Variants in AVL9 observed in about 807,000 individuals in gnomAD.
AVL9 encodes AVL9 cell migration associated, also known as late secretory pathway protein AVL9 homolog.
Under a neutral mutation model 79.2 loss-of-function variants are expected in AVL9, and 49 were observed. That is an observed-to-expected ratio of 0.62 (90% confidence interval 0.49 to 0.79). The LOEUF is 0.79. Among genes scored for constraint, AVL9 ranks in the 30% least tolerant of loss-of-function variants. The probability of loss-of-function intolerance (pLI) is 0.00; values close to 1 mark genes in which losing one functional copy is unlikely to be tolerated. For missense variants in AVL9, 682 were observed against 776.8 expected (o/e 0.88, Z 1.45); for synonymous variants, 299 against 280.6 (o/e 1.07, Z -0.65).
At chr7:32,509,481 C>T (rs1787559873) in intron 1 of AVL9, among the ~76,000 whole-genome samples, 1 of 152,168 alleles carries the variant, frequency 6.6e-6, no homozygotes, top group African/African-American at 2.4e-5. Flanking sequence ...CCTCACTCTC[C>T]TCTTTCTCTG....
chr7:32,566,180 A>ATGTTTTTTTTTTTTTTTTTT (rs70992731), intron 10 of AVL9, among the ~76,000 whole-genome samples: 1 of 93,878 alleles, frequency 1.1e-5, no homozygotes, highest in African/African-American at 4.2e-5. Flanking sequence ...TATTATTATT[A>ATGTTTTTTTTTTTTTTTTTT]TTTTTTTTTT....
intron 2 of AVL9, among the ~76,000 whole-genome samples, chr7:32,544,450 T>C (rs1204008832): frequency 6.6e-6 from 1 of 152,236 alleles, no homozygotes; most frequent in Non-Finnish European, 1.5e-5. Flanking sequence ...TTTCTGTAAT[T>C]GTAGTCTCAG....
intron 1 of AVL9, among the ~76,000 whole-genome samples, chr7:32,512,602 T>A (rs1787728860): frequency 6.6e-6 from 1 of 152,166 alleles, no homozygotes; most frequent in Admixed American, 6.5e-5. Flanking sequence ...GTACTTTTCG[T>A]AGCTTACCTC....
At chr7:32,497,800 C>T (rs773671194) in intron 1 of AVL9, among the ~76,000 whole-genome samples, 42 of 152,134 alleles carry the variant, frequency 2.8e-4, no homozygotes, top group Non-Finnish European at 5.9e-4. Flanking sequence ...TACAGGCGCC[C>T]GCCACCGCGC....
chr7:32,538,011 T>G (rs1788993881), intron 1 of AVL9: 1 of 152,212 alleles, frequency 6.6e-6, no homozygotes, highest in African/African-American at 2.4e-5. Context: ...AGAACAGCCT[T>G]AATTTTACCC....
intron 1 of AVL9, among the ~76,000 whole-genome samples, chr7:32,513,435 T>C (rs1325744142): frequency 6.6e-6 from 1 of 152,224 alleles, no homozygotes; most frequent in African/African-American, 2.4e-5. Flanking sequence ...TGATAAAACC[T>C]CCGCAACCCC....
chr7:32,510,085 G>C (rs554840231), intron 1 of AVL9, among the ~76,000 whole-genome samples: 7 of 152,262 alleles, frequency 4.6e-5, no homozygotes, highest in Admixed American at 2.0e-4. Context: ...GCCCCAGGAG[G>C]AGGGAAGCCA....
chr7:32,507,351 C>T (rs1787454975), intron 1 of AVL9, among the ~76,000 whole-genome samples: 1 of 152,198 alleles, frequency 6.6e-6, no homozygotes, highest in Non-Finnish European at 1.5e-5. Flanking sequence ...GTAATTACCT[C>T]ACAAGTCTAG....
At chr7:32,511,745 C>T (rs550228745) in intron 1 of AVL9, among the ~76,000 whole-genome samples, 1 of 151,964 alleles carries the variant, frequency 6.6e-6, no homozygotes, top group South Asian at 2.1e-4. Flanking sequence ...CTTGGACGGT[C>T]CTGGAGAGGA....
intron 1 of AVL9, among the ~76,000 whole-genome samples, chr7:32,510,372 T>C (rs1157842112): frequency 6.6e-6 from 1 of 150,612 alleles, no homozygotes; most frequent in Non-Finnish European, 1.5e-5. Flanking sequence ...AGGGAAACCA[T>C]CTCCCCAGGG....
intron 1 of AVL9, among the ~76,000 whole-genome samples, chr7:32,498,337 C>G (rs1465685101): frequency 1.3e-5 from 2 of 150,378 alleles, no homozygotes; most frequent in Non-Finnish European, 3.0e-5. Context: ...CAACTTTCAC[C>G]TCCTGGGTTC....
intron 1 of AVL9, among the ~76,000 whole-genome samples, chr7:32,504,417 C>T (rs1263309905): frequency 6.6e-6 from 1 of 152,076 alleles, no homozygotes; most frequent in African/African-American, 2.4e-5. Context: ...TTGTCTTATC[C>T]TCTAGCAGAG....
intron 15 of AVL9, chr7:32,581,104 C>CTCTATTTCTAATAGAGAG: frequency 1.9e-6 from 1 of 515,838 alleles, no homozygotes; most frequent in East Asian, 3.4e-5. Context: ...ACAAAATTTT[C>CTCTATTTCTAATAGAGAG]TGATGAAGTC....
rs1790207906 is a variant in AVL9, at chr7:32,558,997, G to A, written c.748G>A (p.Gly250Arg). 6.2e-7 allele frequency: 1 copy of A among 1,613,656 alleles called. No individual in the cohort carries two copies. Among genetic ancestry groups the A allele is most frequent in the Non-Finnish European group, 8.5e-7 (1 of 1,179,790 alleles). Residue 250 changes from glycine (G) to arginine (R), a missense_variant, in exon 10 of 16, where the codon GGG (glycine) becomes AGG (arginine). Gly to Arg is a moderately radical substitution (Grantham distance 125). Coordinates refer to ENST00000318709, the MANE Select transcript of AVL9 (RefSeq NM_015060.3). ...RPRKSMSEDG[G>R]LQESNPCADD... Reference sequence around the variant, plus strand: ...CCGGAAAAGTATGTCTGAAGATGGTGGGCTTCAGGAAAGTAACCCATGTGC... The same window carrying A: ...CCGGAAAAGTATGTCTGAAGATGGTAGGCTTCAGGAAAGTAACCCATGTGC...
intron 10 of AVL9, among the ~76,000 whole-genome samples, chr7:32,567,788 C>T (rs1374430612): frequency 3.9e-5 from 6 of 151,996 alleles, no homozygotes; most frequent in Admixed American, 6.6e-5. Context: ...GATCTCAGCT[C>T]ACTGCAACCT....
chr7:32,558,521 T>C (rs755470931), intron 8 of AVL9, 38 bp from the exon 9 acceptor site: 216 of 1,452,566 alleles, frequency 1.5e-4, no homozygotes, highest in Non-Finnish European at 1.9e-4. Flanking sequence ...GACGGCTTCA[T>C]GGGTCTTCTA....
intron 13 of AVL9, among the ~76,000 whole-genome samples, chr7:32,577,582 A>G (rs1791159021): frequency 6.6e-6 from 1 of 152,168 alleles, no homozygotes; most frequent in African/African-American, 2.4e-5. Flanking sequence ...CTGTCCAAGC[A>G]GTCAACATGC....
intron 1 of AVL9, among the ~76,000 whole-genome samples, chr7:32,539,601 G>T (rs538415386): frequency 6.6e-6 from 1 of 152,280 alleles, no homozygotes; most frequent in African/African-American, 2.4e-5. Context: ...TGACACTGTT[G>T]ACTGATATTC....
Position 32,495,531 on chromosome 7 carries a change from A to C in AVL9, c.-179A>C. On this transcript the variant is annotated 5_prime_UTR_variant, in exon 1 of 16. Coordinates refer to ENST00000318709, the MANE Select transcript of AVL9 (RefSeq NM_015060.3). ...GGAAGCTGCGGAAGCGGATGAGGGAAGGGCGGCCGTGGCCCTGGGGGCGGC... is the reference window on the plus strand; with the variant it reads ...GGAAGCTGCGGAAGCGGATGAGGGACGGGCGGCCGTGGCCCTGGGGGCGGC... 3 of 394,492 alleles carry C rather than the reference A, an allele frequency of 7.6e-6. No homozygotes were observed. Among genetic ancestry groups the C allele is most frequent in the Non-Finnish European group, 1.3e-5 (3 of 222,252 alleles). 24.4% of individuals were successfully genotyped at this position (394,492 alleles called of 1,614,324 possible). A position where few individuals can be genotyped will look rare whatever the true frequency, so the allele number is the denominator to read the frequency against.
Sources: allele counts gnomAD v4.1 joint callset (sites outside exome capture counted in the v4.1 genomes callset), GRCh38; gene constraint gnomAD v4.1.1; transcripts MANE v1.5; gene names NCBI Gene and HGNC (gene_info 2026-07-23, HGNC 2026-07-21).